Variants in EFTUD2 observed in about 807,000 individuals in gnomAD.
EFTUD2 encodes the protein 116 kDa U5 small nuclear ribonucleoprotein component.
In EFTUD2, 9 loss-of-function variants were observed where a neutral mutation model predicts 114.3. The observed-to-expected ratio is 0.08, with a 90% CI of 0.05 to 0.14. The LOEUF is 0.14. Among genes scored for constraint, EFTUD2 ranks in the 10% least tolerant of loss-of-function variants. The probability of loss-of-function intolerance (pLI) is 1.00; values close to 1 mark genes in which losing one functional copy is unlikely to be tolerated. For missense variants in EFTUD2, 765 were observed against 1,241.2 expected, an observed-to-expected ratio of 0.62 and a Z score of 5.76; for synonymous variants, 449 against 462.3, an observed-to-expected ratio of 0.97 and a Z score of 0.37.
intron 4 of EFTUD2, chr17:44,883,960 C>G (rs1225181878): frequency 1.2e-5 from 6 of 515,892 alleles, no homozygotes; most frequent in African/African-American, 3.8e-5. Flanking sequence ...AATAGTAAAA[C>G]AGCAAGACTA....
intron 18 of EFTUD2, chr17:44,859,567 G>A (rs2050618238): frequency 2.0e-6 from 1 of 499,356 alleles, no homozygotes; most frequent in Admixed American, 3.2e-5. Flanking sequence ...CTCTTCTCGA[G>A]AAAATCAATT....
At chr17:44,866,358 C>T (rs1415287761) in intron 13 of EFTUD2, among the ~76,000 whole-genome samples, 1 of 152,170 alleles carries the variant, frequency 6.6e-6, no homozygotes, top group East Asian at 1.9e-4. Context: ...AATCCTCTGG[C>T]CTCAGCCTCC....
At chr17:44,866,866 G>GGAGT (rs2050755086) in intron 13 of EFTUD2, among the ~76,000 whole-genome samples, 1 of 152,170 alleles carries the variant, frequency 6.6e-6, no homozygotes, top group Non-Finnish European at 1.5e-5. Flanking sequence ...CACTTTGGGA[G>GGAGT]GCCAAGGCAG....
At chr17:44,889,301 T>C (rs759502944) in intron 2 of EFTUD2, among the ~76,000 whole-genome samples, 5 of 151,618 alleles carry the variant, frequency 3.3e-5, no homozygotes, top group Non-Finnish European at 7.4e-5. Context: ...TGAAGGAAAA[T>C]GGGAGGAGAG....
chr17:44,885,151 C>A, intron 4 of EFTUD2, 105 bp downstream of exon 4: 1 of 839,000 alleles, frequency 1.2e-6, no homozygotes. Context: ...GAGCTATGTA[C>A]GGCCACAATT....
chr17:44,883,586 G>A, intron 5 of EFTUD2, 63 bp downstream of exon 5: 1 of 1,492,754 alleles, frequency 6.7e-7, no homozygotes, highest in Non-Finnish European at 9.3e-7. Context: ...GACTCTAAGG[G>A]CTAAAACATG....
chr17:44,859,900 C>G lies in EFTUD2; in HGVS notation c.1860+5G>C. On this transcript the variant is annotated splice_donor_5th_base_variant and intron_variant, in intron 18 of 27. Coordinates refer to ENST00000426333, the MANE Select transcript of EFTUD2 (RefSeq NM_004247.4). The stretch of plus-strand genomic sequence containing the variant: ...CTTGGCGGCTGCTGCAGGCCATGGG[C>G]ATACCTTGGTGGTGAGGGATGGATA... 1 of 1,614,102 alleles carries G rather than the reference C, an allele frequency of 6.2e-7. No homozygotes were observed. The highest frequency in any genetic ancestry group is 8.5e-7 in the Non-Finnish European group (1 of 1,180,032).
Position 44,861,196 on chromosome 17 carries a change from T to C in EFTUD2, c.1608-653A>G, listed in dbSNP as rs190285341. 4.6e-5 allele frequency among the ~76,000 whole-genome samples: 7 copies of C among 152,184 alleles called. No individual in the cohort carries two copies. The East Asian group carries it at 1.4e-3, about 29-fold the overall frequency. ...CGGCTCACGCTTATAATCCCAGTGC[T>C]TTGGGAGGCTGAGGTGGGTGGCTGG... On this transcript the variant is annotated intron_variant, in intron 16 of 27. Transcript: ENST00000426333.
intron 2 of EFTUD2, among the ~76,000 whole-genome samples, chr17:44,887,703 G>A (rs913487185): frequency 1.3e-5 from 2 of 152,144 alleles, no homozygotes; most frequent in African/African-American, 4.8e-5. Context: ...CAATGGGTAA[G>A]GGGTGTGGAG....
At position 44,854,506 on chromosome 17, in the gene EFTUD2, C is replaced by T. The variant is rs763431739; in HGVS notation, c.2259+50G>A. On this transcript the variant is annotated intron_variant, in intron 22 of 27. Coordinates refer to ENST00000426333, the MANE Select transcript of EFTUD2 (RefSeq NM_004247.4). The surrounding 1 kb of genome is among the most constrained non-coding windows in gnomAD (Gnocchi z 4.3). ...GAAAAGAACACTTTGTAGTTTCTTC[C>T]ACTCCAGAGGTAAGAGACCGCCACC... 2.5e-6 allele frequency: 4 copies of T among 1,591,230 alleles called. No homozygotes were observed. Among genetic ancestry groups the T allele is most frequent in the African/African-American group, 1.4e-5 (1 of 73,948 alleles).
At chr17:44,869,931 C>T (rs1042968866) in intron 11 of EFTUD2, among the ~76,000 whole-genome samples, 1 of 152,168 alleles carries the variant, frequency 6.6e-6, no homozygotes, top group African/African-American at 2.4e-5. Context: ...GTTCATGATG[C>T]CTTATTGTAT....
At chr17:44,868,979 G>A (rs1461110806) in intron 11 of EFTUD2, among the ~76,000 whole-genome samples, 1 of 152,206 alleles carries the variant, frequency 6.6e-6, no homozygotes, top group Non-Finnish European at 1.5e-5. Flanking sequence ...GACGTTGGGT[G>A]ACATCCAATT....
rs1262944960 is a variant in EFTUD2 at position 44,880,579 on chromosome 17, A to G, written c.594T>C (p.Tyr198=). 2 of 1,613,764 alleles carry G rather than the reference A, an allele frequency of 1.2e-6. No individual in the cohort carries two copies. The highest frequency in any genetic ancestry group is 1.7e-6 in the Non-Finnish European group (2 of 1,179,698). Reference sequence around the variant, plus strand: ...CTGGAGTGTCCATGATATTGAAGAGATAAGATTTTCCTTTGGTGTCTGGCA... The same window carrying G: ...CTGGAGTGTCCATGATATTGAAGAGGTAAGATTTTCCTTTGGTGTCTGGCA... ...VVLPDTKGKS[Y]LFNIMDTPGH... is the part of the protein sequence containing the mutation. Residue 198 remains tyrosine (Y), a synonymous_variant, in exon 8 of 28, where the codon TAT becomes TAC. Transcript: ENST00000426333.
rs779934147 is a variant in EFTUD2, at chr17:44,852,434, G to T, written c.2690C>A (p.Ser897Tyr). The T allele has an allele frequency of 6.2e-7, 1 of 1,613,998 alleles. No individual in the cohort carries two copies. The highest frequency in any genetic ancestry group is 1.3e-5 in the African/African-American group (1 of 74,904). ...LRTHTQGQAF[S>Y]LSVFHHWQIV... ...CTGCCAGTGGTGGAAGACAGACAGA[G>T]AAAAGGCTTGTCCCTGGGTGTGAGT... Residue 897 changes from serine (S) to tyrosine (Y), a missense_variant, in exon 26 of 28, where the codon TCT (serine) becomes TAT (tyrosine). Ser to Tyr is a moderately radical substitution (Grantham distance 144, BLOSUM62 -2). Transcript: ENST00000426333.
chr17:44,864,866 T>G (rs1029826345), intron 14 of EFTUD2, 64 bp downstream of exon 14: 12 of 1,571,200 alleles, frequency 7.6e-6, no homozygotes, highest in African/African-American at 4.1e-5. Flanking sequence ...GAGAAAAAAT[T>G]GCTGTGATAC....
At chr17:44,876,877 A>AAAC (rs2050966923) in intron 9 of EFTUD2, among the ~76,000 whole-genome samples, 1 of 149,710 alleles carries the variant, frequency 6.7e-6, no homozygotes, top group African/African-American at 2.4e-5. Flanking sequence ...AAAAAAAAAA[A>AAAC]AAAACTACTC....
chr17:44,857,295 G>A (rs12602299), intron 19 of EFTUD2, 138 bp from the exon 20 acceptor site: 1 of 673,528 alleles, frequency 1.5e-6, no homozygotes, highest in South Asian at 1.6e-5. Context: ...CAAGTGATAA[G>A]TACAACAGCA....
chr17:44,871,391 G>A (rs955347751), intron 11 of EFTUD2, among the ~76,000 whole-genome samples: 31 of 150,968 alleles, frequency 2.1e-4, no homozygotes, highest in Non-Finnish European at 3.7e-4. Context: ...CCAGGCTGGA[G>A]TGCAGTGGCG....
intron 20 of EFTUD2, among the ~76,000 whole-genome samples, chr17:44,856,818 A>G (rs1446269516): frequency 1.3e-5 from 2 of 152,132 alleles, no homozygotes; most frequent in Admixed American, 1.3e-4. Flanking sequence ...CTTTTAAGAT[A>G]GTCATTTTAT....
Sources: gnomAD v4.1 joint callset for allele counts (sites outside exome capture counted in the v4.1 genomes callset) on GRCh38, gnomAD v4.1.1 for gene constraint, Gnocchi (gnomAD v3.1) non-coding constraint, MANE v1.5 for transcripts, NCBI Gene and HGNC (gene_info 2026-07-23, HGNC 2026-07-21) for gene names.